KIAA0825: variants seen among roughly 807,000 people sequenced by gnomAD.
The protein encoded by KIAA0825 is KIAA0825, also known as uncharacterized protein KIAA0825.
In KIAA0825, 119 loss-of-function variants were observed where a neutral mutation model predicts 147.6. The observed-to-expected ratio is 0.81, with a 90% CI of 0.69 to 0.94. KIAA0825 has a LOEUF of 0.94. Among genes scored for constraint, KIAA0825 ranks in the 40% least tolerant of loss-of-function variants. The pLI, the probability that KIAA0825 is intolerant of heterozygous loss-of-function variation, is 0.00. For synonymous variants in KIAA0825, 470 were observed against 518.1 expected (o/e 0.91, Z 1.26); for missense variants, 1,381 against 1,472.7 (o/e 0.94, Z 1.02).
intron 20 of KIAA0825, among the ~76,000 whole-genome samples, chr5:94,194,966 C>A (rs544294849): frequency 9.9e-5 from 15 of 152,276 alleles, no homozygotes; most frequent in Admixed American, 3.3e-4. Flanking sequence ...TTCACCAAAT[C>A]CTCATGATGA....
intron 20 of KIAA0825, among the ~76,000 whole-genome samples, chr5:94,352,468 G>T (rs761130246): frequency 6.6e-6 from 1 of 152,210 alleles, no homozygotes; most frequent in Non-Finnish European, 1.5e-5. Context: ...TACACTGCTG[G>T]TGGGAATGTA....
intron 20 of KIAA0825, among the ~76,000 whole-genome samples, chr5:94,298,318 C>G (rs554271210): frequency 6.6e-6 from 1 of 152,192 alleles, no homozygotes; most frequent in South Asian, 2.1e-4. Context: ...TAGCATACTG[C>G]TCACTTAAAT....
At chr5:94,387,065 A>G (rs940048767) in intron 18 of KIAA0825, among the ~76,000 whole-genome samples, 4 of 152,218 alleles carry the variant, frequency 2.6e-5, no homozygotes, top group Non-Finnish European at 2.9e-5. Context: ...ATCCTTATGT[A>G]TTTTATGGAA....
intron 20 of KIAA0825, among the ~76,000 whole-genome samples, chr5:94,327,193 A>C (rs1445100746): frequency 1.3e-5 from 2 of 152,108 alleles, no homozygotes; most frequent in African/African-American, 4.8e-5. Context: ...AATGTTAATA[A>C]GGGGTGAGAG....
At chr5:94,414,757 C>G (rs1263313565) in intron 15 of KIAA0825, 1 of 152,240 alleles carries the variant, frequency 6.6e-6, no homozygotes, top group Non-Finnish European at 1.5e-5. Context: ...CTGTTAGGAA[C>G]TGGGCCGCAC....
chr5:94,556,166 C>T lies in KIAA0825; in HGVS notation c.-1-19039G>A, dbSNP rs563530638. ...CTCCTGGATTCGAGCGATTCTCCTG[C>T]CTCAGCCTCCCTAGTAGCTGGGATT... is the stretch of plus-strand genomic sequence containing the variant. On this transcript the variant is annotated intron_variant, in intron 2 of 20. Coordinates refer to ENST00000682413, the MANE Select transcript of KIAA0825 (RefSeq NM_001145678.3). Among the ~76,000 whole-genome samples, 406 of 152,056 alleles carry T rather than the reference C, an allele frequency of 2.7e-3. 2 individuals are homozygous for T. The highest frequency in any genetic ancestry group is 9.6e-3 in the African/African-American group (398 of 41,442).
chr5:94,589,211 A>T (rs1783892205), intron 1 of KIAA0825, among the ~76,000 whole-genome samples: 1 of 152,236 alleles, frequency 6.6e-6, no homozygotes, highest in African/African-American at 2.4e-5. Flanking sequence ...ATCTTGTTAA[A>T]CATGGGTTCT....
intron 2 of KIAA0825, among the ~76,000 whole-genome samples, chr5:94,572,196 C>T (rs1385255983): frequency 2.0e-5 from 3 of 152,038 alleles, no homozygotes; most frequent in Admixed American, 6.6e-5. Context: ...AATCAACTGA[C>T]CAGGGCACGG....
At chr5:94,430,920 T>G (rs1166475301) in intron 14 of KIAA0825, among the ~76,000 whole-genome samples, 1 of 152,210 alleles carries the variant, frequency 6.6e-6, no homozygotes, top group Non-Finnish European at 1.5e-5. Context: ...GAATATTTAC[T>G]TGGTCTACCT....
chr5:94,390,022 G>A (rs776882624), intron 18 of KIAA0825, among the ~76,000 whole-genome samples: 1 of 152,158 alleles, frequency 6.6e-6, no homozygotes, highest in Non-Finnish European at 1.5e-5. Flanking sequence ...TGGTATCCCA[G>A]TGTAATCTCA....
chr5:94,326,929 T>C (rs1341728397), intron 20 of KIAA0825, among the ~76,000 whole-genome samples: 1 of 152,164 alleles, frequency 6.6e-6, no homozygotes, highest in African/African-American at 2.4e-5. Flanking sequence ...GGTGACATCA[T>C]GACAATAAGA....
rs141042487 is a variant in KIAA0825 at position 94,432,681 on chromosome 5, T to C, written c.2497+7301A>G. Among the ~76,000 whole-genome samples the C allele has an allele frequency of 2.9e-3, 447 of 152,298 alleles. 1 individual carries two copies. Among genetic ancestry groups the C allele is most frequent in the African/African-American group, 0.01 (424 of 41,576 alleles). ...ACATCATTGTTATGTTGGCTAACAA[T>C]GGGTTATTTTAGGTCACCTCCTTCA... On this transcript the variant is annotated intron_variant, in intron 14 of 20. Coordinates refer to ENST00000682413, the MANE Select transcript of KIAA0825 (RefSeq NM_001145678.3).
At chr5:94,268,584 G>C (rs1776841362) in intron 20 of KIAA0825, among the ~76,000 whole-genome samples, 1 of 152,082 alleles carries the variant, frequency 6.6e-6, no homozygotes, top group Admixed American at 6.6e-5. Context: ...ATGAGATGAA[G>C]AGACCACTAG....
intron 16 of KIAA0825, among the ~76,000 whole-genome samples, chr5:94,400,153 T>G (rs1178626851): frequency 6.6e-6 from 1 of 152,166 alleles, no homozygotes; most frequent in Non-Finnish European, 1.5e-5. Flanking sequence ...AGGTGAAGGC[T>G]GTTGTTGAAA....
At chr5:94,537,377 C>A (rs909406570) in intron 2 of KIAA0825, among the ~76,000 whole-genome samples, 2 of 152,128 alleles carry the variant, frequency 1.3e-5, no homozygotes, top group African/African-American at 4.8e-5. Flanking sequence ...GAGGGCCGGG[C>A]GCGGTGGCTC....
At chr5:94,509,990 G>A (rs1412506524) in intron 5 of KIAA0825, among the ~76,000 whole-genome samples, 2 of 152,014 alleles carry the variant, frequency 1.3e-5, no homozygotes, top group African/African-American at 2.4e-5. Context: ...ATTTCAGTAC[G>A]GTTTGGGAAA....
intron 20 of KIAA0825, among the ~76,000 whole-genome samples, chr5:94,205,300 T>TATA (rs1554242872): frequency 5.2e-5 from 7 of 133,930 alleles, no homozygotes; most frequent in Admixed American, 7.5e-5. Flanking sequence ...TATATATATA[T>TATA]TTTGTTTTGT....
At chr5:94,192,637 C>G (rs1420931540) in intron 20 of KIAA0825, among the ~76,000 whole-genome samples, 1 of 151,996 alleles carries the variant, frequency 6.6e-6, no homozygotes, top group Non-Finnish European at 1.5e-5. Context: ...CTACCCTTAC[C>G]TGCGCCAGTG....
At chr5:94,537,813 A>C (rs2151344264) in intron 2 of KIAA0825, among the ~76,000 whole-genome samples, 1 of 152,210 alleles carries the variant, frequency 6.6e-6, no homozygotes, top group South Asian at 2.1e-4. Context: ...ACCTTCCCTC[A>C]ACCTTTGTCA....
Sources: gnomAD v4.1 joint callset for allele counts (sites outside exome capture counted in the v4.1 genomes callset) on GRCh38, gnomAD v4.1.1 for gene constraint, MANE v1.5 for transcripts, NCBI Gene and HGNC (gene_info 2026-07-23, HGNC 2026-07-21) for gene names.